Variants in SCIN observed in about 807,000 individuals in gnomAD.
SCIN encodes the protein scinderin, also known as adseverin.
Under a neutral mutation model 91.8 loss-of-function variants are expected in SCIN, and 91 were observed. The ratio of observed to expected loss-of-function variants is 0.99; its 90% CI spans 0.84 to 1.18. The LOEUF (loss-of-function observed/expected upper bound fraction) is 1.18. Among genes scored for constraint, SCIN ranks in the 50% most tolerant of loss-of-function variants. SCIN has a pLI of 0.00. For missense variants in SCIN, 1,087 were observed against 863.9 expected (o/e 1.26, Z -3.24); for synonymous variants, 367 against 312.6 (o/e 1.17, Z -1.84).
chr7:12,649,649 T>C, intron 14 of SCIN, 105 bp downstream of exon 14: 3 of 593,124 alleles, frequency 5.1e-6, no homozygotes, highest in African/African-American at 1.9e-5. Flanking sequence ...GCCTAGAGAT[T>C]TAGGCTGTAT....
intron 11 of SCIN, among the ~76,000 whole-genome samples, chr7:12,642,562 G>C (rs1783878965): frequency 6.7e-6 from 1 of 150,320 alleles, no homozygotes; most frequent in South Asian, 2.1e-4. Flanking sequence ...TTTAAAGCCA[G>C]TTCTCTCTAA....
rs1414922888 is a variant in SCIN at position 12,570,756 on chromosome 7, C to T, written c.-31C>T. ...GTTTAGTCCAAGATCAGCGATATCA[C>T]GCGTCCCCCGGAGCATCGCGTGCAG... is the stretch of plus-strand genomic sequence containing the variant. On this transcript the variant is annotated 5_prime_UTR_variant, in exon 1 of 16. The change creates a new upstream start codon in the 5' untranslated region. Coordinates refer to ENST00000297029, the MANE Select transcript of SCIN (RefSeq NM_001112706.3). 3 of 1,544,024 alleles carry T rather than the reference C, an allele frequency of 1.9e-6. No homozygotes were observed. Among genetic ancestry groups the T allele is most frequent in the African/African-American group, 1.4e-5 (1 of 72,976 alleles).
intron 3 of SCIN, among the ~76,000 whole-genome samples, chr7:12,590,426 TGGG>T (rs543921482): frequency 1.1e-4 from 17 of 151,156 alleles, no homozygotes; most frequent in African/African-American, 3.7e-4. Flanking sequence ...GGTGAATAGA[TGGG>T]GGGAGGAGAA....
intron 3 of SCIN, among the ~76,000 whole-genome samples, chr7:12,593,443 G>C (rs541558299): frequency 1.3e-5 from 2 of 152,080 alleles, no homozygotes; most frequent in African/African-American, 4.8e-5. Flanking sequence ...CGGGTATTAA[G>C]AACAATAGTT....
chr7:12,607,381 G>C (rs1783100525), intron 4 of SCIN, among the ~76,000 whole-genome samples: 2 of 152,166 alleles, frequency 1.3e-5, no homozygotes, highest in South Asian at 4.1e-4. Flanking sequence ...TACATATGTG[G>C]TGTCCTGGCT....
At position 12,606,768 on chromosome 7, in the gene SCIN, A is replaced by G. The variant is rs935751518; in HGVS notation, c.666+2105A>G. On this transcript the variant is annotated intron_variant, in intron 4 of 15. Coordinates refer to ENST00000297029, the MANE Select transcript of SCIN (RefSeq NM_001112706.3). ...CATTTGTCTTTGTTATAATTAACAT[A>G]TATGATTCATTTTATAATCAGAAAA... Among the ~76,000 whole-genome samples the G allele has an allele frequency of 3.9e-5, 6 of 152,296 alleles. No homozygotes were observed. In the South Asian group the frequency reaches 8.3e-4, roughly 21 times the overall value.
rs1784182130 is a variant in SCIN, at chr7:12,657,440, C to G, written c.*4725C>G. ...TCCAGGCTGGTCTTGAACTCCTAGA[C>G]TCAGGAAATCCACCTGCCTTGGCCT... On this transcript the variant is annotated 3_prime_UTR_variant, in exon 16 of 16. Transcript: ENST00000297029. The G allele has an allele frequency of 6.8e-6, 1 of 147,956 alleles. No individual in the cohort carries two copies. Among genetic ancestry groups the G allele is most frequent in the Non-Finnish European group, 1.5e-5 (1 of 67,088 alleles). The allele number at this position is 147,956 out of a possible 1,614,324, so 9.2% of individuals were successfully genotyped here. A position where few individuals can be genotyped will look rare whatever the true frequency, so the allele number is the denominator to read the frequency against.
At chr7:12,617,889 C>G (rs1783331623) in intron 4 of SCIN, among the ~76,000 whole-genome samples, 1 of 152,116 alleles carries the variant, frequency 6.6e-6, no homozygotes. Flanking sequence ...AACAACTGCT[C>G]TTGTTTAATA....
intron 4 of SCIN, among the ~76,000 whole-genome samples, chr7:12,605,093 C>T (rs1298177304): frequency 6.6e-6 from 1 of 151,856 alleles, no homozygotes; most frequent in South Asian, 2.1e-4. Context: ...GCTCTGTCGC[C>T]CAGGCTGGAG....
At chr7:12,575,333 G>T (rs914027840) in intron 1 of SCIN, among the ~76,000 whole-genome samples, 2 of 146,898 alleles carry the variant, frequency 1.4e-5, no homozygotes, top group Non-Finnish European at 3.0e-5. Flanking sequence ...TATTCAATTT[G>T]TATGCCTTTT....
rs1201596434 is a variant in SCIN at position 12,657,829 on chromosome 7, T to G, written c.*5114T>G. Reference sequence around the variant, plus strand: ...TGGCATTTGCATGCATTTCATCATGTCTCCATTTCTTCGGAATGATAATTT... The same window carrying G: ...TGGCATTTGCATGCATTTCATCATGGCTCCATTTCTTCGGAATGATAATTT... On this transcript the variant is annotated 3_prime_UTR_variant, in exon 16 of 16. Transcript: ENST00000297029. 6.6e-6 allele frequency: 1 copy of G among 151,734 alleles called. No homozygotes were observed. Among genetic ancestry groups the G allele is most frequent in the African/African-American group, 2.4e-5 (1 of 41,380 alleles). 9.4% of individuals were successfully genotyped at this position (151,734 alleles called of 1,614,324 possible). A position where few individuals can be genotyped will look rare whatever the true frequency, so the allele number is the denominator to read the frequency against.
chr7:12,590,864 G>A (rs557108052), intron 3 of SCIN, among the ~76,000 whole-genome samples: 2 of 152,244 alleles, frequency 1.3e-5, no homozygotes, highest in Admixed American at 6.5e-5. Flanking sequence ...AGATAGCAGC[G>A]TGGGAACGAG....
At chr7:12,585,070 A>T (rs540626645) in intron 3 of SCIN, among the ~76,000 whole-genome samples, 2 of 152,200 alleles carry the variant, frequency 1.3e-5, no homozygotes, top group South Asian at 4.1e-4. Context: ...TTTATAAATG[A>T]TCACGCCCTC....
intron 1 of SCIN, among the ~76,000 whole-genome samples, chr7:12,576,445 A>C (rs1782374219): frequency 6.6e-6 from 1 of 152,102 alleles, no homozygotes; most frequent in African/African-American, 2.4e-5. Context: ...TTGTAAGGAA[A>C]TCTGATTCTT....
intron 4 of SCIN, among the ~76,000 whole-genome samples, chr7:12,617,812 G>C (rs549738920): frequency 6.6e-6 from 1 of 152,278 alleles, no homozygotes; most frequent in East Asian, 1.9e-4. Context: ...AATTTCTAGA[G>C]ATTGGATTCA....
chr7:12,650,998 C>T (rs1784068072), intron 14 of SCIN, among the ~76,000 whole-genome samples: 1 of 152,068 alleles, frequency 6.6e-6, no homozygotes, highest in African/African-American at 2.4e-5. Context: ...TCACTGTCCA[C>T]AGGTTCACAT....
At chr7:12,573,353 A>G (rs910400953) in intron 1 of SCIN, among the ~76,000 whole-genome samples, 3 of 152,142 alleles carry the variant, frequency 2.0e-5, no homozygotes, top group Non-Finnish European at 4.4e-5. Flanking sequence ...CATAGAAATG[A>G]AGAAACAGGC....
intron 4 of SCIN, among the ~76,000 whole-genome samples, chr7:12,616,071 C>T (rs1783293866): frequency 6.6e-6 from 1 of 151,942 alleles, no homozygotes; most frequent in African/African-American, 2.4e-5. Context: ...ATAGGGGTGC[C>T]CTATTTTCTT....
chr7:12,626,607 T>C lies in SCIN; in HGVS notation c.1005T>C (p.Gly335=). Reference sequence around the variant, plus strand: ...AGATTCAAGTTCTTCCAGAAGGAGGTGAAACACCAATCTTCAAACAGTTTT... The same window carrying C: ...AGATTCAAGTTCTTCCAGAAGGAGGCGAAACACCAATCTTCAAACAGTTTT... The part of the protein sequence containing the change: ...NTQIQVLPEG[G]ETPIFKQFFK... The change falls in exon 8 of 16, where the codon GGT becomes GGC. Residue 335 remains glycine (G), a synonymous_variant. Coordinates refer to ENST00000297029, the MANE Select transcript of SCIN (RefSeq NM_001112706.3). 2 of 1,550,380 alleles carry C rather than the reference T, an allele frequency of 1.3e-6. No individual in the cohort carries two copies. The highest frequency in any genetic ancestry group is 2.0e-5 in the Admixed American group (1 of 50,958).
Sources: gnomAD v4.1 joint callset for allele counts (sites outside exome capture counted in the v4.1 genomes callset) on GRCh38, gnomAD v4.1.1 for gene constraint, MANE v1.5 for transcripts, NCBI Gene and HGNC (gene_info 2026-07-23, HGNC 2026-07-21) for gene names.